Variants in MGAT4C observed in about 807,000 individuals in gnomAD.
MGAT4C encodes the protein alpha-1,3-mannosyl-glycoprotein 4-beta-N-acetylglucosaminyltransferase C.
Under a neutral mutation model 40.1 loss-of-function variants are expected in MGAT4C, and 19 were observed. That is an observed-to-expected ratio of 0.47 (90% CI 0.33 to 0.70). The LOEUF (loss-of-function observed/expected upper bound fraction) is 0.70. MGAT4C is among the 30% of genes least tolerant of loss of function. The pLI is 0.02. For synonymous variants in MGAT4C, 181 were observed against 187.1 expected, an observed-to-expected ratio of 0.97 and a Z score of 0.27; for missense variants, 491 against 563.2, an observed-to-expected ratio of 0.87 and a Z score of 1.30.
At chr12:86,266,379 C>T (rs1008738362) in intron 4 of MGAT4C, among the ~76,000 whole-genome samples, 1 of 152,122 alleles carries the variant, frequency 6.6e-6, no homozygotes, top group Admixed American at 6.6e-5. Flanking sequence ...GCTTTATTTG[C>T]ATCTATTGAG....
intron 2 of MGAT4C, among the ~76,000 whole-genome samples, chr12:86,496,584 TGATTG>T (rs1565803817): frequency 8.1e-6 from 1 of 123,978 alleles, no homozygotes; most frequent in Non-Finnish European, 2.0e-5. Context: ...TAAATGTGTT[TGATTG>T]TTCTTTCAAA....
At chr12:86,651,696 C>T (rs1297826870) in intron 2 of MGAT4C, among the ~76,000 whole-genome samples, 1 of 151,788 alleles carries the variant, frequency 6.6e-6, no homozygotes, top group East Asian at 1.9e-4. Flanking sequence ...ATTGTATTTT[C>T]TAATAATATC....
At chr12:86,696,792 GT>G (rs201611088) in intron 2 of MGAT4C, among the ~76,000 whole-genome samples, 2 of 151,314 alleles carry the variant, frequency 1.3e-5, no homozygotes, top group South Asian at 2.1e-4. Context: ...ATTCTCATGA[GT>G]TTTTTTTTAA....
At chr12:86,419,518 CT>C (rs1334152621) in intron 3 of MGAT4C, among the ~76,000 whole-genome samples, 41 of 151,838 alleles carry the variant, frequency 2.7e-4, no homozygotes, top group African/African-American at 9.7e-4. Context: ...TTCCAGCTTC[CT>C]AGATCAAGGA....
chr12:86,258,330 T>TCTAA (rs1952584374), upstream of MGAT4C, among the ~76,000 whole-genome samples: 1 of 150,288 alleles, frequency 6.7e-6, no homozygotes, highest in African/African-American at 2.5e-5. Flanking sequence ...TATCTATCTA[T>TCTAA]CTATCTACAT....
At chr12:86,495,971 G>T (rs1237684117) in intron 2 of MGAT4C, among the ~76,000 whole-genome samples, 1 of 151,692 alleles carries the variant, frequency 6.6e-6, no homozygotes, top group Non-Finnish European at 1.5e-5. Flanking sequence ...CTACATTCCT[G>T]CCCCGCTATA....
At chr12:86,387,440 A>T (rs1247702580) in intron 3 of MGAT4C, among the ~76,000 whole-genome samples, 2 of 152,138 alleles carry the variant, frequency 1.3e-5, no homozygotes, top group Non-Finnish European at 2.9e-5. Context: ...TTGAAAACAG[A>T]ATTTTTACAA....
At chr12:86,012,707 G>C (rs527276757) in intron 2 of MGAT4C, among the ~76,000 whole-genome samples, 2 of 151,498 alleles carry the variant, frequency 1.3e-5, no homozygotes, top group South Asian at 4.2e-4. Context: ...AGCTGAGATC[G>C]CACCATTGCA....
intron 1 of MGAT4C, among the ~76,000 whole-genome samples, chr12:86,117,029 A>G (rs1270801851): frequency 1.3e-5 from 2 of 152,100 alleles, no homozygotes; most frequent in South Asian, 4.1e-4. Context: ...GGGTTCTGAG[A>G]CGCTATATTT....
intron 2 of MGAT4C, among the ~76,000 whole-genome samples, chr12:86,573,697 A>G (rs185320049): frequency 1.0e-3 from 159 of 152,070 alleles, no homozygotes; most frequent in Middle Eastern, 6.8e-3. Context: ...GGTAGAAGCA[A>G]TATCTGTTTT....
intron 1 of MGAT4C, among the ~76,000 whole-genome samples, chr12:86,741,837 A>G (rs893877802): frequency 6.6e-6 from 1 of 151,478 alleles, no homozygotes; most frequent in African/African-American, 2.4e-5. Flanking sequence ...ACTAAATATA[A>G]TAAAGAACTA....
At chr12:86,227,914 C>T (rs1187111135) in intron 1 of MGAT4C, among the ~76,000 whole-genome samples, 7 of 151,852 alleles carry the variant, frequency 4.6e-5, no homozygotes, top group Admixed American at 3.3e-4. Context: ...ATTTTAATAT[C>T]AGGCTAGAGT....
At chr12:86,202,456 T>C (rs1463745675) in intron 1 of MGAT4C, among the ~76,000 whole-genome samples, 1 of 152,094 alleles carries the variant, frequency 6.6e-6, no homozygotes, top group Non-Finnish European at 1.5e-5. Context: ...TAATGGATTA[T>C]AATTTATACT....
chr12:86,735,399 C>G (rs1195228200), intron 1 of MGAT4C, among the ~76,000 whole-genome samples: 1 of 151,662 alleles, frequency 6.6e-6, no homozygotes, highest in Non-Finnish European at 1.5e-5. Flanking sequence ...TGTAAACACT[C>G]CACATCAGAA....
At chr12:86,435,577 A>G (rs1006538977) in intron 2 of MGAT4C, among the ~76,000 whole-genome samples, 8 of 151,942 alleles carry the variant, frequency 5.3e-5, no homozygotes, top group East Asian at 1.9e-4. Context: ...CTTAGCACCT[A>G]TATGTCTTTA....
intron 1 of MGAT4C, among the ~76,000 whole-genome samples, chr12:86,181,736 A>G (rs1235685184): frequency 1.3e-5 from 2 of 152,056 alleles, no homozygotes; most frequent in Admixed American, 6.6e-5. Context: ...ACCAAACCAA[A>G]TGTTTAAAAT....
chr12:86,726,716 T>G (rs1439555069), intron 2 of MGAT4C, among the ~76,000 whole-genome samples: 57 of 152,096 alleles, frequency 3.7e-4, no homozygotes, highest in Admixed American at 3.7e-3. Context: ...AATTTTATTG[T>G]TATTAAAAAA....
At chr12:86,473,612 A>AT (rs1188310082) in intron 2 of MGAT4C, among the ~76,000 whole-genome samples, 2 of 152,230 alleles carry the variant, frequency 1.3e-5, no homozygotes, top group East Asian at 3.8e-4. Flanking sequence ...GAGAAACTGC[A>AT]TAAAGCAGTC....
At chr12:86,622,252 A>G (rs771624797) in intron 2 of MGAT4C, among the ~76,000 whole-genome samples, 6 of 152,168 alleles carry the variant, frequency 3.9e-5, no homozygotes, top group Non-Finnish European at 8.8e-5. Flanking sequence ...TAAGAGATCA[A>G]TGCAGGAATC....
Sources: allele counts gnomAD v4.1 joint callset (sites outside exome capture counted in the v4.1 genomes callset), GRCh38; gene constraint gnomAD v4.1.1; transcripts MANE v1.5; gene names NCBI Gene and HGNC (gene_info 2026-07-23, HGNC 2026-07-21).